Variants in KIFAP3 observed in about 807,000 individuals in gnomAD.
KIFAP3 encodes kinesin associated protein 3.
Under a neutral mutation model 106.5 loss-of-function variants are expected in KIFAP3, and 68 were observed. That is an observed-to-expected ratio of 0.64 (90% CI 0.53 to 0.78). The LOEUF (loss-of-function observed/expected upper bound fraction) is 0.78. Among genes scored for constraint, KIFAP3 ranks in the 30% least tolerant of loss-of-function variants. The pLI, the probability that KIFAP3 is intolerant of heterozygous loss-of-function variation, is 0.00. For synonymous variants in KIFAP3, 320 were observed against 311.5 expected, an observed-to-expected ratio of 1.03 and a Z score of -0.29; for missense variants, 780 against 941.8, an observed-to-expected ratio of 0.83 and a Z score of 2.25.
intron 10 of KIFAP3, among the ~76,000 whole-genome samples, chr1:169,997,930 T>C (rs907693735): frequency 6.7e-6 from 1 of 148,714 alleles, no homozygotes; most frequent in Non-Finnish European, 1.5e-5. Flanking sequence ...TCATAAAATT[T>C]AGGCTTAGGA....
At chr1:170,029,584 TAAAC>T (rs1669290082) in intron 8 of KIFAP3, among the ~76,000 whole-genome samples, 1 of 149,950 alleles carries the variant, frequency 6.7e-6, no homozygotes, top group Non-Finnish European at 1.5e-5. Context: ...AGCTTCCACT[TAAAC>T]AACAACAACA....
intron 10 of KIFAP3, among the ~76,000 whole-genome samples, chr1:169,995,633 A>C (rs76770590): frequency 1.3e-5 from 2 of 152,134 alleles, no homozygotes; most frequent in East Asian, 3.8e-4. Flanking sequence ...AAACATTAAA[A>C]TTCAATGTGA....
intron 1 of KIFAP3, among the ~76,000 whole-genome samples, chr1:170,063,113 C>T (rs12145614): frequency 0.071 from 10,874 of 152,100 alleles, 437 homozygotes; most frequent in Non-Finnish European, 0.095. Context: ...ATTAGAATTA[C>T]GGGAGGGACC....
chr1:170,042,061 A>C (rs1670009256), intron 3 of KIFAP3, among the ~76,000 whole-genome samples: 1 of 152,178 alleles, frequency 6.6e-6, no homozygotes, highest in Non-Finnish European at 1.5e-5. Flanking sequence ...TAACGGGTGG[A>C]AAGGGGGGTC....
chr1:169,933,466 G>C (rs914644854), intron 19 of KIFAP3, among the ~76,000 whole-genome samples: 15 of 151,952 alleles, frequency 9.9e-5, no homozygotes, highest in Non-Finnish European at 1.5e-4. Context: ...TTCATTTTCT[G>C]CTCAGGTATA....
At chr1:170,003,597 T>A (rs1332577853) in intron 10 of KIFAP3, among the ~76,000 whole-genome samples, 3 of 19,024 alleles carry the variant, frequency 1.6e-4, no homozygotes, top group Non-Finnish European at 1.6e-4. Context: ...AGGTTACTGC[T>A]GCCTTTTGTC....
chr1:170,039,437 A>T (rs1669864872), intron 3 of KIFAP3, 149 bp from the exon 4 acceptor site: 1 of 533,962 alleles, frequency 1.9e-6, no homozygotes, highest in African/African-American at 1.9e-5. Flanking sequence ...ATGCATAAAA[A>T]TGTTCATATA....
chr1:170,074,726 T>A, upstream of KIFAP3: 1 of 1,366,336 alleles, frequency 7.3e-7, no homozygotes, highest in Non-Finnish European at 9.5e-7. Flanking sequence ...ATGCGCTTGC[T>A]CTGCACCTCT....
At chr1:169,992,347 T>C in intron 10 of KIFAP3, 92 bp from the exon 11 acceptor site, 2 of 514,862 alleles carry the variant, frequency 3.9e-6, no homozygotes, top group African/African-American at 2.0e-5. Flanking sequence ...AACTACTGAA[T>C]AAAATCTTTA....
chr1:169,955,705 T>C (rs1664977736), intron 18 of KIFAP3, among the ~76,000 whole-genome samples: 1 of 152,194 alleles, frequency 6.6e-6, no homozygotes, highest in Admixed American at 6.5e-5. Flanking sequence ...ATTATTTAAT[T>C]GTCAAATTGT....
In KIFAP3 at chr1:169,984,589, G is replaced by A; in HGVS notation, c.1386C>T (p.Ile462=). The A allele has an allele frequency of 6.3e-7, 1 of 1,583,078 alleles. No homozygotes were observed. The highest frequency in any genetic ancestry group is 8.7e-7 in the Non-Finnish European group (1 of 1,154,750). The change falls in exon 12 of 20, where the codon ATC becomes ATT. Residue 462 remains isoleucine, a synonymous_variant. Coordinates refer to ENST00000361580, the MANE Select transcript of KIFAP3 (RefSeq NM_014970.4). ...ACACTCAAAGGCACTGACCTTCACAGATAAGCTGTACATTTCTTTTGTTAG... is the reference window on the plus strand; with the variant it reads ...ACACTCAAAGGCACTGACCTTCACAAATAAGCTGTACATTTCTTTTGTTAG... ...LAANKRNVQL[I]CEGNGLKMLM...
chr1:170,017,040 C>T (rs150631292), intron 9 of KIFAP3, among the ~76,000 whole-genome samples: 9,617 of 152,190 alleles, frequency 0.063, 385 homozygotes, highest in Non-Finnish European at 0.095. Context: ...GGGCAGATCA[C>T]GAGGTCAAGA....
chr1:169,931,218 C>T (rs1320828518), intron 19 of KIFAP3, among the ~76,000 whole-genome samples: 1 of 152,046 alleles, frequency 6.6e-6, no homozygotes, highest in African/African-American at 2.4e-5. Flanking sequence ...CCGTGTCTGA[C>T]CCATTTTATT....
intron 19 of KIFAP3, among the ~76,000 whole-genome samples, chr1:169,936,209 TTGGAACATTTTACATTTCTATGTAAAA>T (rs1198761228): frequency 0.18 from 44 of 244 alleles, no homozygotes; most frequent in African/African-American, 0.35. Context: ...TCTTGTTCCC[TTGGAACATTTTACATTTCTATGTAAAA>T]TGAAAAGTCA....
intron 17 of KIFAP3, among the ~76,000 whole-genome samples, chr1:169,966,613 A>G (rs945147679): frequency 4.0e-5 from 6 of 151,872 alleles, no homozygotes; most frequent in Admixed American, 1.3e-4. Context: ...TTGAAAATGG[A>G]AAATTACAGG....
At chr1:169,964,203 C>T (rs1665483198) in intron 17 of KIFAP3, among the ~76,000 whole-genome samples, 1 of 93,090 alleles carries the variant, frequency 1.1e-5, no homozygotes, top group Non-Finnish European at 2.1e-5. Context: ...ATTTAGATAA[C>T]TTATATTGAG....
intron 17 of KIFAP3, among the ~76,000 whole-genome samples, chr1:169,967,828 A>T (rs1274124516): frequency 6.6e-6 from 1 of 151,822 alleles, no homozygotes; most frequent in Non-Finnish European, 1.5e-5. Context: ...ATCAACATAC[A>T]TCATTAAAAT....
intron 9 of KIFAP3, chr1:170,023,958 A>G (rs1445185890): frequency 6.6e-6 from 1 of 152,302 alleles, no homozygotes; most frequent in Non-Finnish European, 1.5e-5. Flanking sequence ...AGAAACAATC[A>G]ACAGGTTGTG....
At chr1:170,030,788 G>C (rs1669361904) in intron 8 of KIFAP3, among the ~76,000 whole-genome samples, 1 of 151,806 alleles carries the variant, frequency 6.6e-6, no homozygotes. Flanking sequence ...GAATGAGGAA[G>C]AAGGCAGAAG....
Sources: gnomAD v4.1 joint callset for allele counts (sites outside exome capture counted in the v4.1 genomes callset) on GRCh38, gnomAD v4.1.1 for gene constraint, MANE v1.5 for transcripts, NCBI Gene and HGNC (gene_info 2026-07-23, HGNC 2026-07-21) for gene names.